The following RBFOX1 variants were observed in gnomAD, a reference collection of about 807,000 sequenced individuals.
The protein encoded by RBFOX1 is RNA binding protein fox-1 homolog 1.
Under a neutral mutation model 57.7 loss-of-function variants are expected in RBFOX1, and 8 were observed. The ratio of observed to expected loss-of-function variants is 0.14; its 90% CI spans 0.08 to 0.25. RBFOX1 has a LOEUF of 0.25. RBFOX1 is among the 10% of genes least tolerant of loss of function. RBFOX1 has a pLI of 1.00. For missense variants in RBFOX1, 611 were observed against 548.5 expected (o/e 1.11, Z -1.14); for synonymous variants, 326 against 222.4 (o/e 1.47, Z -4.15).
rs201296333 is a variant in RBFOX1, at chr16:6,564,599, AC to A, written c.-63-90003del. 2.0e-3 allele frequency among the ~76,000 whole-genome samples: 303 copies of A among 152,178 alleles called. 3 individuals carry two copies. The East Asian group carries it at 0.025, about 13-fold the overall frequency. Reference sequence around the variant, plus strand: ...TGATATATGGAATCTAAAAAGCTGAACTCTTGGAAGCAGAGAGTAGAAAGGT... The same window carrying A: ...TGATATATGGAATCTAAAAAGCTGAATCTTGGAAGCAGAGAGTAGAAAGGT... On this transcript the variant is annotated intron_variant, in intron 2 of 15. Coordinates refer to ENST00000550418, the MANE Select transcript of RBFOX1 (RefSeq NM_018723.4).
intron 3 of RBFOX1, among the ~76,000 whole-genome samples, chr16:6,936,239 G>T (rs922403975): frequency 6.6e-6 from 1 of 152,184 alleles, no homozygotes; most frequent in Non-Finnish European, 1.5e-5. Context: ...TAAATTAAGG[G>T]ATGCTGGATA....
chr16:6,457,891 T>C (rs2094816147), intron 2 of RBFOX1, among the ~76,000 whole-genome samples: 1 of 152,104 alleles, frequency 6.6e-6, no homozygotes. Context: ...AGTTTACAGA[T>C]AGTTCTGGGG....
intron 3 of RBFOX1, among the ~76,000 whole-genome samples, chr16:6,903,458 C>T (rs915736202): frequency 4.6e-5 from 7 of 152,182 alleles, no homozygotes; most frequent in East Asian, 1.9e-4. Flanking sequence ...GCTTATCTGT[C>T]TTTGAATTCT....
At chr16:6,274,714 A>G (rs1258714852) in intron 1 of RBFOX1, among the ~76,000 whole-genome samples, 1 of 152,206 alleles carries the variant, frequency 6.6e-6, no homozygotes, top group Non-Finnish European at 1.5e-5. Flanking sequence ...GATCTCTGTA[A>G]CATTATTGCC....
chr16:7,264,381 A>C (rs1435179055), intron 4 of RBFOX1, among the ~76,000 whole-genome samples: 1 of 152,246 alleles, frequency 6.6e-6, no homozygotes, highest in East Asian at 1.9e-4. Context: ...GGTGCAAAGC[A>C]GACCCAGTCA....
At chr16:6,128,768 G>C (rs2096608272) in intron 1 of RBFOX1, among the ~76,000 whole-genome samples, 1 of 152,220 alleles carries the variant, frequency 6.6e-6, no homozygotes, top group Admixed American at 6.5e-5. Flanking sequence ...GCAGTGCTCT[G>C]AGCTAGATGG....
At chr16:6,458,279 G>T (rs1454329956) in intron 2 of RBFOX1, among the ~76,000 whole-genome samples, 1 of 53,550 alleles carries the variant, frequency 1.9e-5, no homozygotes, top group African/African-American at 5.9e-5. Flanking sequence ...ATGCCTGCTG[G>T]TTAAGGATCT....
chr16:6,791,828 C>T (rs1332844801), intron 3 of RBFOX1, among the ~76,000 whole-genome samples: 1 of 152,110 alleles, frequency 6.6e-6, no homozygotes, highest in Non-Finnish European at 1.5e-5. Flanking sequence ...GTCATACCTC[C>T]AGGAAGGTGG....
intron 4 of RBFOX1, among the ~76,000 whole-genome samples, chr16:7,419,645 A>C (rs8044832): frequency 2.8e-4 from 42 of 152,142 alleles, no homozygotes; most frequent in African/African-American, 1.0e-3. Flanking sequence ...CCTCAGGGAC[A>C]TGACAGTTCT....
At chr16:7,161,196 A>G (rs530530097) in intron 4 of RBFOX1, among the ~76,000 whole-genome samples, 3 of 152,268 alleles carry the variant, frequency 2.0e-5, no homozygotes, top group East Asian at 3.9e-4. Context: ...CAGCAGGACT[A>G]TGTGGATGAT....
At chr16:6,614,837 C>T (rs1398954222) in intron 2 of RBFOX1, among the ~76,000 whole-genome samples, 1 of 152,198 alleles carries the variant, frequency 6.6e-6, no homozygotes, top group African/African-American at 2.4e-5. Flanking sequence ...AGGGTTACCT[C>T]ATCTTAACTA....
chr16:5,749,695 G>C (rs1193408301), intron 3 of RBFOX1, among the ~76,000 whole-genome samples: 3 of 152,160 alleles, frequency 2.0e-5, no homozygotes, highest in Admixed American at 6.5e-5. Flanking sequence ...CGTAGTTCTT[G>C]TGCCATGGTT....
Position 6,851,494 on chromosome 16 carries a change from C to G in RBFOX1, c.-16+196844C>G, listed in dbSNP as rs560822987. Among the ~76,000 whole-genome samples the G allele has an allele frequency of 2.6e-5, 4 of 152,254 alleles. No homozygotes were observed. In the South Asian group the frequency reaches 8.3e-4, roughly 32 times the overall value. On this transcript the variant is annotated intron_variant, in intron 3 of 15. Transcript: ENST00000550418. ...TTTTTAAAATTCCTTCATATAACAA[C>G]TTAGAGTTTGAAAGATATTCACAAC... is the stretch of plus-strand genomic sequence containing the variant.
chr16:7,435,864 G>T (rs1002722666), intron 4 of RBFOX1, among the ~76,000 whole-genome samples: 1 of 152,212 alleles, frequency 6.6e-6, no homozygotes, highest in Non-Finnish European at 1.5e-5. Context: ...GTAGGAGTTG[G>T]CCTGCTGGGG....
intron 1 of RBFOX1, among the ~76,000 whole-genome samples, chr16:5,341,764 TG>T (rs751662550): frequency 2.0e-5 from 3 of 152,042 alleles, no homozygotes; most frequent in Non-Finnish European, 4.4e-5. Context: ...GCCCCTTTTG[TG>T]GGGATGGAGG....
intron 3 of RBFOX1, among the ~76,000 whole-genome samples, chr16:6,783,135 A>C (rs147795091): frequency 1.3e-5 from 2 of 152,068 alleles, no homozygotes; most frequent in Admixed American, 6.6e-5. Context: ...GTAGGTAAAA[A>C]TGAGTTCCTT....
intron 1 of RBFOX1, among the ~76,000 whole-genome samples, chr16:6,203,179 C>T (rs1047702229): frequency 6.6e-6 from 1 of 152,084 alleles, no homozygotes; most frequent in African/African-American, 2.4e-5. Context: ...ATAGGCCTTA[C>T]ATTATACAGG....
intron 1 of RBFOX1, among the ~76,000 whole-genome samples, chr16:6,224,802 C>T (rs1041338223): frequency 1.3e-5 from 2 of 152,090 alleles, no homozygotes; most frequent in African/African-American, 4.8e-5. Context: ...GGGTGGATCA[C>T]CTGTGGTCAG....
chr16:6,623,397 C>G (rs1321469929), intron 2 of RBFOX1, among the ~76,000 whole-genome samples: 1 of 151,824 alleles, frequency 6.6e-6, no homozygotes, highest in East Asian at 1.9e-4. Context: ...CACTTTCATG[C>G]AACCCCTGGT....
Sources: gnomAD v4.1 joint callset for allele counts (sites outside exome capture counted in the v4.1 genomes callset) on GRCh38, gnomAD v4.1.1 for gene constraint, MANE v1.5 for transcripts, NCBI Gene and HGNC (gene_info 2026-07-23, HGNC 2026-07-21) for gene names.